Variants in ARHGEF10L observed in about 807,000 individuals in gnomAD.
ARHGEF10L encodes rho guanine nucleotide exchange factor 10-like protein.
A neutral mutation model predicts 141.2 loss-of-function variants in ARHGEF10L; 69 were observed. That is an observed-to-expected ratio of 0.49 (90% CI 0.40 to 0.60). ARHGEF10L has a LOEUF of 0.60. ARHGEF10L is among the 20% of genes least tolerant of loss of function. ARHGEF10L has a pLI of 0.00. For missense variants in ARHGEF10L, 1,482 were observed against 1,734.3 expected (o/e 0.85, Z 2.58); for synonymous variants, 711 against 718.5 (o/e 0.99, Z 0.17).
intron 4 of ARHGEF10L, among the ~76,000 whole-genome samples, chr1:17,595,485 C>A (rs1179044624): frequency 1.3e-5 from 2 of 152,102 alleles, no homozygotes; most frequent in South Asian, 2.1e-4. Flanking sequence ...TCCCCAGAGG[C>A]CTCGACGCTC....
chr1:17,653,063 G>C (rs1233857037), intron 22 of ARHGEF10L, among the ~76,000 whole-genome samples: 2 of 152,194 alleles, frequency 1.3e-5, no homozygotes, highest in African/African-American at 4.8e-5. Context: ...AGAGGCCCTT[G>C]GTAAGCCTTA....
chr1:17,617,602 G>T (rs1255819523), intron 9 of ARHGEF10L, among the ~76,000 whole-genome samples: 3 of 152,234 alleles, frequency 2.0e-5, no homozygotes, highest in Non-Finnish European at 4.4e-5. Flanking sequence ...AAGGAAGGAG[G>T]CTTTGTCTGC....
chr1:17,631,759 A>G (rs181996220), intron 15 of ARHGEF10L, among the ~76,000 whole-genome samples: 115 of 152,352 alleles, frequency 7.5e-4, no homozygotes, highest in African/African-American at 2.7e-3. Context: ...CTTGAAATTC[A>G]TAGTCACTTT....
At chr1:17,665,186 AGGTATTTT>A (rs1308683064) in intron 26 of ARHGEF10L, among the ~76,000 whole-genome samples, 1 of 152,044 alleles carries the variant, frequency 6.6e-6, no homozygotes, top group Non-Finnish European at 1.5e-5. Context: ...GTTCCCCAAG[AGGTATTTT>A]GGTGATATTT....
chr1:17,527,681 T>A, the ARHGEF10L span, among the ~76,000 whole-genome samples: 290 of 152,122 alleles, frequency 1.9e-3, 1 homozygote, highest in African/African-American at 6.5e-3. Flanking sequence ...ACTCCTTTTT[T>A]TTTTTCTACG....
At chr1:17,572,152 T>C (rs1413687219) in intron 1 of ARHGEF10L, among the ~76,000 whole-genome samples, 1 of 152,166 alleles carries the variant, frequency 6.6e-6, no homozygotes, top group Non-Finnish European at 1.5e-5. Context: ...CAGCCCGAAT[T>C]CTTTGCTTGC....
At chr1:17,581,965 C>T (rs952987919) in intron 2 of ARHGEF10L, among the ~76,000 whole-genome samples, 11 of 152,174 alleles carry the variant, frequency 7.2e-5, no homozygotes, top group African/African-American at 1.9e-4. Flanking sequence ...CTCCTGGACT[C>T]GCTTGTATTT....
intron 1 of ARHGEF10L, among the ~76,000 whole-genome samples, chr1:17,569,217 C>A (rs1412970031): frequency 6.6e-6 from 1 of 151,960 alleles, no homozygotes; most frequent in African/African-American, 2.4e-5. Flanking sequence ...CAGGCATCCC[C>A]TGGCCTGGAG....
At chr1:17,640,366 G>A in intron 21 of ARHGEF10L, 64 bp downstream of exon 21, 1 of 1,435,828 alleles carries the variant, frequency 7.0e-7, no homozygotes, top group South Asian at 1.2e-5. Flanking sequence ...GGTTTGGGGT[G>A]AGTGAGGGTA....
At chr1:17,602,324 T>C in intron 5 of ARHGEF10L, 106 bp downstream of exon 5, 1 of 1,316,242 alleles carries the variant, frequency 7.6e-7, no homozygotes, top group African/African-American at 1.5e-5. Flanking sequence ...AGCCCAGGGT[T>C]CATCCTCACC....
rs1310542605 is a variant in ARHGEF10L, at chr1:17,602,168, C to A, written c.299C>A (p.Ala100Asp). 3 of 1,583,716 alleles carry A rather than the reference C, an allele frequency of 1.9e-6. No individual in the cohort carries two copies. Among genetic ancestry groups the A allele is most frequent in the Non-Finnish European group, 2.6e-6 (3 of 1,164,930 alleles). ...AGCAATGGGGATGCAGCGGACGCAGCCTTCTCCGGGGCCCGGCACTCCAGC... is the reference window on the plus strand; with the variant it reads ...AGCAATGGGGATGCAGCGGACGCAGACTTCTCCGGGGCCCGGCACTCCAGC... ...WVSNGDAADA[A>D]FSGARHSSWK... is the part of the protein sequence containing the mutation. The change falls in exon 5 of 29, where the codon GCC (alanine) becomes GAC (aspartate). Residue 100 changes from alanine to aspartate, a missense_variant. Coordinates refer to ENST00000361221, the MANE Select transcript of ARHGEF10L (RefSeq NM_018125.4).
rs2078079854 is a variant in ARHGEF10L, at chr1:17,573,231, A to C, written c.-43-7322A>C. Among the ~76,000 whole-genome samples the C allele has an allele frequency of 6.6e-6, 1 of 152,062 alleles. No individual in the cohort carries two copies. Among genetic ancestry groups the C allele is most frequent in the African/African-American group, 2.4e-5 (1 of 41,426 alleles). ...CTCTCAGGCTGCCTGCAGCCTAAACACACTCTCATGCTAAGTGGCGAGGGC... is the reference window on the plus strand; with the variant it reads ...CTCTCAGGCTGCCTGCAGCCTAAACCCACTCTCATGCTAAGTGGCGAGGGC... On this transcript the variant is annotated intron_variant, in intron 1 of 28. Coordinates refer to ENST00000361221, the MANE Select transcript of ARHGEF10L (RefSeq NM_018125.4). This position sits in a 1 kb window ranked among gnomAD's most constrained non-coding sequence, Gnocchi z 4.8.
chr1:17,585,398 T>C (rs1019136465), intron 2 of ARHGEF10L, among the ~76,000 whole-genome samples: 5 of 152,142 alleles, frequency 3.3e-5, no homozygotes, highest in African/African-American at 1.2e-4. Flanking sequence ...GGAAGCTGCC[T>C]GGGGCACAGC....
intron 26 of ARHGEF10L, among the ~76,000 whole-genome samples, chr1:17,686,545 G>A (rs987460053): frequency 3.9e-5 from 6 of 152,208 alleles, no homozygotes; most frequent in African/African-American, 1.4e-4. Flanking sequence ...CTCCTGGACT[G>A]AGGACGCCAC....
Position 17,687,712 on chromosome 1 carries a change from T to A in ARHGEF10L, c.3149T>A (p.Ile1050Asn). The change falls in exon 27 of 29, where the codon ATC becomes AAC. Residue 1050 changes from isoleucine (I) to asparagine (N), a missense_variant. Physicochemically the swap from Ile to Asn is moderately radical, Grantham distance 149 (BLOSUM62 -3). This residue lies in a region of ARHGEF10L where 858 missense variants were observed against 966.3 expected (regional missense o/e 0.89). Transcript: ENST00000361221. Reference protein sequence around the residue: ...HTETLEHLQEINIATRTTFLL... With the variant: ...HTETLEHLQENNIATRTTFLL... ...GAGACCCTGGAGCATCTGCAAGAGA[T>A]CAACATCGCCACCAGGACCACCTTC... 3 of 1,597,558 alleles carry A rather than the reference T, an allele frequency of 1.9e-6. No individual in the cohort carries two copies. In the South Asian group the frequency reaches 3.4e-5, roughly 18 times the overall value.
chr1:17,680,124 G>A (rs12754031), intron 26 of ARHGEF10L, among the ~76,000 whole-genome samples: 21,531 of 144,594 alleles, frequency 0.15, 1,645 homozygotes, highest in Non-Finnish European at 0.17. Flanking sequence ...TGGGCCACCC[G>A]GGGTTGGTTC....
chr1:17,674,444 A>C (rs1337918453), intron 26 of ARHGEF10L, among the ~76,000 whole-genome samples: 2 of 152,240 alleles, frequency 1.3e-5, no homozygotes, highest in African/African-American at 2.4e-5. Flanking sequence ...TCTCACCCAC[A>C]GGAGAGGATG....
At chr1:17,579,117 T>A (rs2078358991) in intron 1 of ARHGEF10L, among the ~76,000 whole-genome samples, 1 of 152,168 alleles carries the variant, frequency 6.6e-6, no homozygotes. Flanking sequence ...GCCTCCCACG[T>A]TCAAGTGATT....
the ARHGEF10L span, among the ~76,000 whole-genome samples, chr1:17,521,159 A>T: frequency 6.6e-6 from 1 of 152,112 alleles, no homozygotes; most frequent in African/African-American, 2.4e-5. Context: ...CCACAGCTTG[A>T]CTATCTCCGG....
Sources: gnomAD v4.1 joint callset for allele counts (sites outside exome capture counted in the v4.1 genomes callset) on GRCh38, gnomAD v4.1.1 for gene constraint, gnomAD v4.1.1 regional missense constraint, Gnocchi (gnomAD v3.1) non-coding constraint, MANE v1.5 for transcripts, NCBI Gene and HGNC (gene_info 2026-07-23, HGNC 2026-07-21) for gene names.